Variants in HSD17B2 observed in about 807,000 individuals in gnomAD.
HSD17B2 encodes the protein hydroxysteroid 17-beta dehydrogenase 2, also known as 17-beta-hydroxysteroid dehydrogenase type 2.
A neutral mutation model predicts 26.9 loss-of-function variants in HSD17B2; 32 were observed. The observed-to-expected ratio is 1.19, with a 90% confidence interval of 0.90 to 1.60. HSD17B2 has a LOEUF of 1.60. HSD17B2 is among the 40% of genes most tolerant of loss of function. HSD17B2 has a pLI of 0.00. For missense variants in HSD17B2, 613 were observed against 468.6 expected, an observed-to-expected ratio of 1.31 and a Z score of -2.85; for synonymous variants, 246 against 186.7, an observed-to-expected ratio of 1.32 and a Z score of -2.59.
At chr16:82,074,100 G>T (rs774503687) in intron 3 of HSD17B2, among the ~76,000 whole-genome samples, 2 of 152,132 alleles carry the variant, frequency 1.3e-5, no homozygotes, top group Admixed American at 1.3e-4. Flanking sequence ...AGCAATGGGG[G>T]TAAGGATTCC....
At chr16:82,087,347 C>G (rs1304548592) in intron 3 of HSD17B2, among the ~76,000 whole-genome samples, 1 of 152,160 alleles carries the variant, frequency 6.6e-6, no homozygotes, top group Admixed American at 6.5e-5. Context: ...TGTAACTGGA[C>G]AGACAATGAA....
chr16:82,080,186 G>A (rs1904341630), intron 3 of HSD17B2, among the ~76,000 whole-genome samples: 1 of 152,216 alleles, frequency 6.6e-6, no homozygotes, highest in African/African-American at 2.4e-5. Context: ...AGGCTGTTGT[G>A]AGTAGGCAGC....
chr16:82,062,412 T>A (rs16956349), intron 1 of HSD17B2, among the ~76,000 whole-genome samples: 19 of 152,332 alleles, frequency 1.2e-4, no homozygotes, highest in Non-Finnish European at 2.2e-4. Context: ...CCTCTCTCAG[T>A]TTGTAAGGCA....
Position 82,068,278 on chromosome 16 carries a change from G to A in HSD17B2, c.374G>A (p.Arg125Gln), listed in dbSNP as rs779171937. ...NENGPGAEEL[R>Q]RTCSPRLSVL... The stretch of plus-strand genomic sequence containing the variant: ...AATGGCCCAGGAGCTGAGGAATTGC[G>A]AAGAACCTGCTCTCCGCGCCTCTCG... Residue 125 changes from arginine (R) to glutamine (Q), a missense_variant, in exon 2 of 5, where the codon CGA becomes CAA. By Grantham distance (43) the Arg-to-Gln change is conservative. Coordinates refer to ENST00000199936, the MANE Select transcript of HSD17B2 (RefSeq NM_002153.3). 9.9e-6 allele frequency: 16 copies of A among 1,613,908 alleles called. No individual in the cohort carries two copies. The highest frequency in any genetic ancestry group is 2.2e-5 in the East Asian group (1 of 44,876).
intron 1 of HSD17B2, among the ~76,000 whole-genome samples, chr16:82,042,971 T>A (rs1913808175): frequency 6.6e-6 from 1 of 152,218 alleles, no homozygotes; most frequent in Non-Finnish European, 1.5e-5. Context: ...CACATTCTTG[T>A]GGCCAAATGT....
At chr16:82,068,459 G>A in intron 2 of HSD17B2, 77 bp downstream of exon 2, 1 of 1,205,392 alleles carries the variant, frequency 8.3e-7, no homozygotes, top group South Asian at 1.4e-5. Context: ...GGCTGAACAT[G>A]CCCCCCCACT....
At chr16:82,044,439 C>T (rs1431541935) in intron 1 of HSD17B2, 4 of 152,284 alleles carry the variant, frequency 2.6e-5, no homozygotes, top group Non-Finnish European at 1.5e-5. Context: ...TCTCAGGCCT[C>T]ACCCACAGAT....
intron 1 of HSD17B2, among the ~76,000 whole-genome samples, chr16:82,062,144 G>T (rs1914457457): frequency 6.6e-6 from 1 of 152,130 alleles, no homozygotes; most frequent in African/African-American, 2.4e-5. Flanking sequence ...CAAATTCAAG[G>T]TGATTCACAT....
chr16:82,071,709 C>T (rs116958535), intron 3 of HSD17B2: 1 of 165,272 alleles, frequency 6.1e-6, no homozygotes, highest in East Asian at 1.7e-4. Context: ...ACAGTCTTGC[C>T]TTTTCATAAA....
chr16:82,086,893 T>C (rs941741338), intron 3 of HSD17B2, among the ~76,000 whole-genome samples: 1 of 152,200 alleles, frequency 6.6e-6, no homozygotes, highest in African/African-American at 2.4e-5. Context: ...TACAGACAAC[T>C]ACCTTCTTGC....
At chr16:82,090,715 C>A (rs1230890241) in intron 3 of HSD17B2, among the ~76,000 whole-genome samples, 187 bp from the exon 4 acceptor site, 1 of 152,172 alleles carries the variant, frequency 6.6e-6, no homozygotes, top group Non-Finnish European at 1.5e-5. Flanking sequence ...AAGGCAGAAG[C>A]AAATGAAGCT....
rs143607337 is a variant in HSD17B2, at chr16:82,070,997, G to A, written c.534G>A (p.Glu178=). ...AGVLGFPTDG[E]LLLMTDYKQC... ...TGCTTGGCTTTCCAACTGATGGGGA[G>A]CTTCTTCTTATGACTGACTACAAAC... is the stretch of plus-strand genomic sequence containing the variant. Residue 178 remains glutamate (E), a synonymous_variant, in exon 3 of 5, where the codon GAG becomes GAA. Coordinates refer to ENST00000199936, the MANE Select transcript of HSD17B2 (RefSeq NM_002153.3). 2.2e-4 allele frequency: 348 copies of A among 1,614,216 alleles called. 1 individual carries two copies. In the African/African-American group the frequency reaches 4.2e-3, roughly 20 times the overall value.
intron 1 of HSD17B2, among the ~76,000 whole-genome samples, chr16:82,041,159 C>G (rs1567576167): frequency 6.6e-6 from 1 of 152,176 alleles, no homozygotes; most frequent in Non-Finnish European, 1.5e-5. Flanking sequence ...AACTATACTG[C>G]AAGCGGCTTG....
intron 1 of HSD17B2, among the ~76,000 whole-genome samples, chr16:82,042,220 G>A (rs966492103): frequency 6.6e-6 from 1 of 151,918 alleles, no homozygotes; most frequent in Non-Finnish European, 1.5e-5. Flanking sequence ...GACCAGGCTG[G>A]GCTTGAACCC....
chr16:82,079,114 T>C (rs1348383666), intron 3 of HSD17B2, among the ~76,000 whole-genome samples: 2 of 152,210 alleles, frequency 1.3e-5, no homozygotes, highest in African/African-American at 4.8e-5. Flanking sequence ...TATTGCATGC[T>C]TGTATCAAAA....
Position 82,035,687 on chromosome 16 carries a change from C to T in HSD17B2, c.263C>T (p.Thr88Ile). ...LPVDQKAVLVTGGDCGLGHAL... is the reference protein window; with the variant it reads ...LPVDQKAVLVIGGDCGLGHAL... ...GTGGATCAGAAGGCAGTCCTGGTGA[C>T]AGGTAAGCAGACGGTGCTACAATTT... Residue 88 changes from threonine (T) to isoleucine (I), a missense_variant and splice_region_variant, in exon 1 of 5, where the codon ACA becomes ATA. Transcript: ENST00000199936. The T allele has an allele frequency of 1.9e-6, 3 of 1,613,090 alleles. No individual in the cohort carries two copies. The highest frequency in any genetic ancestry group is 2.5e-6 in the Non-Finnish European group (3 of 1,179,460).
In HSD17B2 at chr16:82,062,250, G is replaced by A. The variant is rs1238108651; in HGVS notation, c.266-5920G>A. Among the ~76,000 whole-genome samples the A allele has an allele frequency of 3.3e-5, 5 of 152,196 alleles. No individual in the cohort carries two copies. The East Asian group carries it at 9.6e-4, about 29-fold the overall frequency. On this transcript the variant is annotated intron_variant, in intron 1 of 4. Transcript: ENST00000199936. ...CCAATCTTGTACAAATGGGTCTGTA[G>A]TAGTCATTGCCTGTCCCAAGTTGAT...
chr16:82,081,914 C>A (rs1006364009), intron 3 of HSD17B2, among the ~76,000 whole-genome samples: 1 of 152,106 alleles, frequency 6.6e-6, no homozygotes, highest in African/African-American at 2.4e-5. Context: ...ACTACACAGG[C>A]ATAAAAAGGA....
intron 3 of HSD17B2, 44 bp downstream of exon 3, chr16:82,071,171 A>G: frequency 6.3e-7 from 1 of 1,577,004 alleles, no homozygotes; most frequent in South Asian, 1.1e-5. Context: ...GCCCATCACA[A>G]GACATGGCTC....
Sources: allele counts gnomAD v4.1 joint callset (sites outside exome capture counted in the v4.1 genomes callset), GRCh38; gene constraint gnomAD v4.1.1; transcripts MANE v1.5; gene names NCBI Gene and HGNC (gene_info 2026-07-23, HGNC 2026-07-21).